BAZ2B: variants seen among roughly 807,000 people sequenced by gnomAD.
BAZ2B encodes bromodomain adjacent to zinc finger domain protein 2B.
In BAZ2B, 91 loss-of-function variants were observed where a neutral mutation model predicts 246.0. The ratio of observed to expected loss-of-function variants is 0.37; its 90% CI spans 0.31 to 0.44. The LOEUF is 0.44. Ranked by LOEUF, BAZ2B falls within the 20% of genes least tolerant of loss-of-function variation. The pLI is 1.00. For synonymous variants in BAZ2B, 855 were observed against 860.0 expected (o/e 0.99, Z 0.10); for missense variants, 2,332 against 2,533.7 (o/e 0.92, Z 1.71).
intron 13 of BAZ2B, among the ~76,000 whole-genome samples, chr2:159,417,429 C>T (rs1386046783): frequency 2.0e-5 from 3 of 152,028 alleles, no homozygotes; most frequent in Non-Finnish European, 2.9e-5. Flanking sequence ...CCTTGGCCTC[C>T]CAAAGTGTTT....
chr2:159,632,396 A>T, the BAZ2B span, among the ~76,000 whole-genome samples: 1 of 152,364 alleles, frequency 6.6e-6, no homozygotes, highest in South Asian at 2.1e-4. Context: ...GCTGGTTATT[A>T]AATAGTCATT....
At chr2:159,584,884 A>G (rs1373911562) in intron 1 of BAZ2B, among the ~76,000 whole-genome samples, 2 of 152,106 alleles carry the variant, frequency 1.3e-5, no homozygotes, top group Non-Finnish European at 2.9e-5. Context: ...TTAAAAGTGT[A>G]TAGCACCTGG....
chr2:159,698,606 A>G, the BAZ2B span, among the ~76,000 whole-genome samples: 2 of 151,646 alleles, frequency 1.3e-5, no homozygotes, highest in African/African-American at 4.8e-5. Flanking sequence ...AAAACTGCCT[A>G]CTTTTTCTCC....
At chr2:159,706,019 T>C in the BAZ2B span, among the ~76,000 whole-genome samples, 1 of 151,864 alleles carries the variant, frequency 6.6e-6, no homozygotes, top group Non-Finnish European at 1.5e-5. Context: ...TTAAATTTGA[T>C]TTCATTTTAT....
chr2:159,448,413 A>G lies in BAZ2B; in HGVS notation c.335-4T>C. 1 of 1,542,442 alleles carries G rather than the reference A, an allele frequency of 6.5e-7. No individual in the cohort carries two copies. The highest frequency in any genetic ancestry group is 8.7e-7 in the Non-Finnish European group (1 of 1,150,500). ...GTTGTTCGCCACCATTCTGCACCTC[A>G]AAACCAAACAAACCAACCAAACAAA... On this transcript the variant is annotated splice_region_variant and splice_polypyrimidine_tract_variant and intron_variant, in intron 4 of 36. Transcript: ENST00000392783.
intron 1 of BAZ2B, among the ~76,000 whole-genome samples, chr2:159,572,009 AAACCACAGC>A (rs1684140656): frequency 6.6e-6 from 1 of 152,208 alleles, no homozygotes; most frequent in Non-Finnish European, 1.5e-5. Flanking sequence ...AGGGACATTC[AAACCACAGC>A]ACCAGTTTTC....
intron 2 of BAZ2B, among the ~76,000 whole-genome samples, chr2:159,550,285 C>G (rs1185269688): frequency 6.6e-6 from 1 of 152,196 alleles, no homozygotes; most frequent in Non-Finnish European, 1.5e-5. Context: ...CAGGGATAGG[C>G]AGGCCAGTAG....
In BAZ2B at chr2:159,332,595, G is replaced by C. The variant is rs748640091; in HGVS notation, c.5888C>G (p.Pro1963Arg). ...TCCATCTGGGATTGTTGTAATCTTG[G>C]GTCTATGGCAGTAGGTATGACAGCC... is the stretch of plus-strand genomic sequence containing the variant. Reference protein sequence around the residue: ...DKGCHTYCHRPKITTIPDGDW... With the variant: ...DKGCHTYCHRRKITTIPDGDW... The change falls in exon 34 of 37, where the codon CCC (proline) becomes CGC (arginine). Residue 1963 changes from proline to arginine, a missense_variant. Pro to Arg is a moderately radical substitution (Grantham distance 103). Coordinates refer to ENST00000392783, the MANE Select transcript of BAZ2B (RefSeq NM_013450.4). 1 of 1,613,958 alleles carries C rather than the reference G, an allele frequency of 6.2e-7. No individual in the cohort carries two copies. The highest frequency in any genetic ancestry group is 8.5e-7 in the Non-Finnish European group (1 of 1,179,930).
intron 25 of BAZ2B, among the ~76,000 whole-genome samples, chr2:159,377,811 C>CAAAAAAAAAAAAAAAAAAAAAAAA (rs1252685978): frequency 4.4e-5 from 1 of 22,576 alleles, no homozygotes; most frequent in East Asian, 1.6e-3. Context: ...GACTCTGTCT[C>CAAAAAAAAAAAAAAAAAAAAAAAA]CAAAAAAAAA....
chr2:159,660,946 A>C, the BAZ2B span, among the ~76,000 whole-genome samples: 1 of 152,204 alleles, frequency 6.6e-6, no homozygotes, highest in Non-Finnish European at 1.5e-5. Context: ...TATAATTGAT[A>C]TACAAAATAC....
At chr2:159,403,757 C>T (rs2149786778) in intron 16 of BAZ2B, among the ~76,000 whole-genome samples, 1 of 152,168 alleles carries the variant, frequency 6.6e-6, no homozygotes, top group African/African-American at 2.4e-5. Context: ...AAAAGTTGAG[C>T]ATGTGTTTTG....
At chr2:159,679,268 T>A in the BAZ2B span, among the ~76,000 whole-genome samples, 2 of 43,274 alleles carry the variant, frequency 4.6e-5, no homozygotes, top group South Asian at 9.4e-4. Flanking sequence ...TGAGACTTCA[T>A]CTCAAAAAAA....
At chr2:159,537,291 T>C (rs972175345) in intron 2 of BAZ2B, among the ~76,000 whole-genome samples, 4 of 152,242 alleles carry the variant, frequency 2.6e-5, no homozygotes, top group Non-Finnish European at 5.9e-5. Flanking sequence ...TTAATGTGCA[T>C]AGACTTTTAG....
At chr2:159,404,277 C>T (rs948154634) in intron 16 of BAZ2B, 1 of 152,090 alleles carries the variant, frequency 6.6e-6, no homozygotes, top group African/African-American at 2.4e-5. Flanking sequence ...AAAATTACTT[C>T]TCTTACCTAA....
chr2:159,612,988 T>C (rs970136720), intron 1 of BAZ2B, among the ~76,000 whole-genome samples: 2 of 152,154 alleles, frequency 1.3e-5, no homozygotes, highest in African/African-American at 4.8e-5. Flanking sequence ...AAAACAAATT[T>C]CTACCAAGTT....
chr2:159,531,780 G>A (rs1260371252), intron 2 of BAZ2B, among the ~76,000 whole-genome samples: 3 of 152,214 alleles, frequency 2.0e-5, no homozygotes, highest in Non-Finnish European at 4.4e-5. Context: ...ATCTACAGCA[G>A]ATGATACATA....
chr2:159,438,166 A>T, intron 8 of BAZ2B, 137 bp downstream of exon 8: 1 of 800,870 alleles, frequency 1.2e-6, no homozygotes, highest in African/African-American at 1.7e-5. Context: ...TTTCTGCTGT[A>T]CATATTCTAT....
chr2:159,440,536 G>A (rs1318680511), intron 6 of BAZ2B, among the ~76,000 whole-genome samples: 2 of 117,192 alleles, frequency 1.7e-5, no homozygotes, highest in Non-Finnish European at 3.6e-5. Context: ...TTTTTTTTTC[G>A]GGGACAGTCT....
chr2:159,667,017 G>C, the BAZ2B span, among the ~76,000 whole-genome samples: 395 of 151,800 alleles, frequency 2.6e-3, 2 homozygotes, highest in African/African-American at 9.0e-3. Flanking sequence ...GATGGGTGCA[G>C]CAAACCACCA....
Sources: allele counts gnomAD v4.1 joint callset (sites outside exome capture counted in the v4.1 genomes callset), GRCh38; gene constraint gnomAD v4.1.1; transcripts MANE v1.5; gene names NCBI Gene and HGNC (gene_info 2026-07-23, HGNC 2026-07-21).